ANGPT2: variants seen among roughly 807,000 people sequenced by gnomAD.
The protein encoded by ANGPT2 is angiopoietin 2.
ANGPT2 carries 28 observed loss-of-function variants against 62.9 expected under a neutral mutation model. That is an observed-to-expected ratio of 0.44 (90% confidence interval 0.33 to 0.61). The LOEUF (loss-of-function observed/expected upper bound fraction) is 0.61, where lower values mean the gene tolerates loss of function less well. Among genes scored for constraint, ANGPT2 ranks in the 20% least tolerant of loss-of-function variants. The pLI is 0.03. For missense variants in ANGPT2, 727 were observed against 594.9 expected, an observed-to-expected ratio of 1.22 and a Z score of -2.31; for synonymous variants, 284 against 207.8, an observed-to-expected ratio of 1.37 and a Z score of -3.15.
intron 8 of ANGPT2, chr8:6,507,899 C>G (rs955155389): frequency 1.1e-4 from 16 of 152,064 alleles, no homozygotes; most frequent in African/African-American, 3.9e-4. Context: ...ATAACATTTT[C>G]TAAAACTTTA....
Position 6,563,070 on chromosome 8 carries a change from CCT to C in ANGPT2, c.-138_-137del. 2 of 952,682 alleles carry C rather than the reference CCT, an allele frequency of 2.1e-6. No homozygotes were observed. The highest frequency in any genetic ancestry group is 5.3e-5 in the East Asian group (2 of 37,454). 59.0% of individuals were successfully genotyped at this position (952,682 alleles called of 1,614,324 possible). Reference sequence around the variant, plus strand: ...GTCCGTCAATGAAAGTCTTCTCTTTCCTCTTTTTCCAGTAGCAAACCTGGTTT... The same window carrying C: ...GTCCGTCAATGAAAGTCTTCTCTTTCCTTTTTCCAGTAGCAAACCTGGTTT... On this transcript the variant is annotated 5_prime_UTR_variant, in exon 1 of 9. The change abolishes the stop of an existing upstream ORF in the 5' untranslated region. Coordinates refer to ENST00000629816, the MANE Select transcript of ANGPT2 (RefSeq NM_001118887.2).
At chr8:6,512,816 A>T (rs952104627) in intron 7 of ANGPT2, among the ~76,000 whole-genome samples, 12 of 152,234 alleles carry the variant, frequency 7.9e-5, no homozygotes, top group African/African-American at 2.7e-4. Flanking sequence ...GGGTGAGGAC[A>T]AGGTAAACAC....
chr8:6,535,769 C>T (rs1820371441), intron 1 of ANGPT2, among the ~76,000 whole-genome samples: 1 of 152,058 alleles, frequency 6.6e-6, no homozygotes, highest in East Asian at 1.9e-4. Context: ...ATATTTGAGC[C>T]AGTCGTGATG....
intron 1 of ANGPT2, among the ~76,000 whole-genome samples, chr8:6,558,018 T>G (rs1473005076): frequency 1.3e-5 from 2 of 152,192 alleles, no homozygotes; most frequent in Non-Finnish European, 2.9e-5. Flanking sequence ...TCTCTGTCTC[T>G]CCTGCCCCTG....
At chr8:6,543,402 G>C (rs1174335279) in intron 1 of ANGPT2, among the ~76,000 whole-genome samples, 1 of 152,204 alleles carries the variant, frequency 6.6e-6, no homozygotes, top group Non-Finnish European at 1.5e-5. Flanking sequence ...GTGCTTTCCT[G>C]GGTTAGAGTA....
At chr8:6,528,851 T>G (rs80049401) in intron 2 of ANGPT2, among the ~76,000 whole-genome samples, 1,664 of 152,350 alleles carry the variant, frequency 0.011, 32 homozygotes, top group African/African-American at 0.039. Flanking sequence ...TCAGGGATGG[T>G]CTTATCCTTA....
At position 6,519,964 on chromosome 8, in the gene ANGPT2, T is replaced by C. The variant is rs751114936; in HGVS notation, c.827A>G (p.Glu276Gly). 16 of 1,614,054 alleles carry C rather than the reference T, an allele frequency of 9.9e-6. No homozygotes were observed. The highest frequency in any genetic ancestry group is 1.6e-4 in the Middle Eastern group (1 of 6,084). The change falls in exon 5 of 9, where the codon GAA (glutamate) becomes GGA (glycine). Residue 276 changes from glutamate to glycine, a missense_variant. Transcript: ENST00000629816. Reference protein sequence around the residue: ...NSKDPTVAKEEQISFRDCAEV... With the variant: ...NSKDPTVAKEGQISFRDCAEV... ...AGCACAGTCTCTGAAGCTGATTTGTTCTTCTTTAGCAACAGTGGGGTCCTT... is the reference window on the plus strand; with the variant it reads ...AGCACAGTCTCTGAAGCTGATTTGTCCTTCTTTAGCAACAGTGGGGTCCTT...
chr8:6,514,828 C>G (rs775621159), intron 5 of ANGPT2, 50 bp from the exon 6 acceptor site: 101 of 1,514,442 alleles, frequency 6.7e-5, no homozygotes, highest in Non-Finnish European at 8.4e-5. Context: ...CCACTCCCCC[C>G]TTACGTAGCA....
intron 1 of ANGPT2, among the ~76,000 whole-genome samples, chr8:6,561,147 C>T (rs764122951): frequency 1.5e-4 from 23 of 152,170 alleles, no homozygotes; most frequent in African/African-American, 3.1e-4. Flanking sequence ...TTAAGCTTAG[C>T]GTAATTATTC....
intron 1 of ANGPT2, among the ~76,000 whole-genome samples, chr8:6,552,013 G>T (rs895548435): frequency 3.3e-5 from 5 of 152,190 alleles, no homozygotes; most frequent in Admixed American, 3.3e-4. Context: ...AGATGACCAA[G>T]AATTGATATC....
intron 8 of ANGPT2, among the ~76,000 whole-genome samples, chr8:6,505,790 A>G (rs1214017791): frequency 6.6e-5 from 9 of 136,744 alleles, no homozygotes; most frequent in Admixed American, 6.1e-4. Context: ...ATATATGTAT[A>G]TATAAAAACA....
chr8:6,563,039 G>T lies in ANGPT2; in HGVS notation c.-105C>A. 7.8e-7 allele frequency: 1 copy of T among 1,278,802 alleles called. No individual in the cohort carries two copies. The highest frequency in any genetic ancestry group is 1.1e-6 in the Non-Finnish European group (1 of 941,974). 79.2% of individuals were successfully genotyped at this position (1,278,802 alleles called of 1,614,324 possible). A position where few individuals can be genotyped will look rare whatever the true frequency, so the allele number is the denominator to read the frequency against. On this transcript the variant is annotated 5_prime_UTR_variant, in exon 1 of 9. Transcript: ENST00000629816. The stretch of plus-strand genomic sequence containing the variant: ...AAACGCAGGGCTGCTACGCTGCCAT[G>T]GCTGGGTCCGTCAATGAAAGTCTTC...
rs543419237 is a variant in ANGPT2 at position 6,560,928 on chromosome 8, C to T, written c.288+1719G>A. Among the ~76,000 whole-genome samples, 10 of 152,174 alleles carry T rather than the reference C, an allele frequency of 6.6e-5. No individual in the cohort carries two copies. In the South Asian group the frequency reaches 1.9e-3, roughly 28 times the overall value. ...CTTTTATGTTTCCTGGCTGTTTCTT[C>T]GAGGAGATGACCTGCCTGTCGGGCA... is the stretch of plus-strand genomic sequence containing the variant. On this transcript the variant is annotated intron_variant, in intron 1 of 8. Transcript: ENST00000629816.
At chr8:6,553,091 C>T (rs141153804) in intron 1 of ANGPT2, among the ~76,000 whole-genome samples, 161 of 152,168 alleles carry the variant, frequency 1.1e-3, no homozygotes, top group South Asian at 7.7e-3. Context: ...ATGTCAACTG[C>T]GGGCTCTGGG....
chr8:6,505,238 G>GTTT (rs1563305052), intron 8 of ANGPT2, among the ~76,000 whole-genome samples: 1 of 5,006 alleles, frequency 2.0e-4, no homozygotes, highest in African/African-American at 5.2e-4. Flanking sequence ...TGTATATATA[G>GTTT]AATATATATT....
At chr8:6,542,764 G>A (rs1172562801) in intron 1 of ANGPT2, among the ~76,000 whole-genome samples, 2 of 152,128 alleles carry the variant, frequency 1.3e-5, no homozygotes, top group African/African-American at 4.8e-5. Context: ...GAGCTCTGTG[G>A]AGGAGGTAGC....
chr8:6,507,123 C>T (rs183070734), intron 8 of ANGPT2, among the ~76,000 whole-genome samples: 47 of 152,280 alleles, frequency 3.1e-4, no homozygotes, highest in African/African-American at 1.1e-3. Flanking sequence ...GTCTCAAACT[C>T]CTGACCTCAG....
chr8:6,524,923 C>T (rs1344381151), intron 3 of ANGPT2, among the ~76,000 whole-genome samples: 7 of 152,210 alleles, frequency 4.6e-5, no homozygotes, highest in Non-Finnish European at 1.0e-4. Context: ...CACCTCTGCA[C>T]ATGGCTTCCT....
At chr8:6,505,674 C>G (rs1230570838) in intron 8 of ANGPT2, among the ~76,000 whole-genome samples, 2 of 127,656 alleles carry the variant, frequency 1.6e-5, no homozygotes, top group African/African-American at 5.9e-5. Flanking sequence ...AATATATATA[C>G]TTTACATATA....
Sources: gnomAD v4.1 joint callset for allele counts (sites outside exome capture counted in the v4.1 genomes callset) on GRCh38, gnomAD v4.1.1 for gene constraint, MANE v1.5 for transcripts, NCBI Gene and HGNC (gene_info 2026-07-23, HGNC 2026-07-21) for gene names.